The following DNAAF8 variants were observed in gnomAD, a reference collection of about 807,000 sequenced individuals.
DNAAF8 encodes dynein axonemal assembly factor 8.
Under a neutral mutation model 54.6 loss-of-function variants are expected in DNAAF8, and 61 were observed. The observed-to-expected ratio is 1.12, with a 90% confidence interval of 0.91 to 1.38. The LOEUF (loss-of-function observed/expected upper bound fraction) is 1.38, where lower values mean the gene tolerates loss of function less well. Among genes scored for constraint, DNAAF8 ranks in the 40% most tolerant of loss-of-function variants. The pLI, the probability that DNAAF8 is intolerant of heterozygous loss-of-function variation, is 0.00. For missense variants in DNAAF8, 837 were observed against 665.0 expected (o/e 1.26, Z -2.85); for synonymous variants, 320 against 270.1 (o/e 1.18, Z -1.81).
At chr16:4,738,234 C>T (rs192798878) in intron 3 of DNAAF8, among the ~76,000 whole-genome samples, 2 of 152,156 alleles carry the variant, frequency 1.3e-5, no homozygotes, top group African/African-American at 4.8e-5. Flanking sequence ...CCATGGCATC[C>T]TGAATAGCTT....
intron 3 of DNAAF8, among the ~76,000 whole-genome samples, chr16:4,739,391 G>A (rs545839502): frequency 1.3e-5 from 2 of 148,438 alleles, no homozygotes; most frequent in Non-Finnish European, 3.0e-5. Flanking sequence ...CTCTAGCTTG[G>A]GGTATGAATT....
In DNAAF8 at chr16:4,736,527, G is replaced by C; in HGVS notation, c.13G>C (p.Asp5His). Residue 5 changes from aspartate (D) to histidine (H), a missense_variant, in exon 2 of 10, where the codon GAT (aspartate) becomes CAT (histidine). Physicochemically the swap from Asp to His is moderately conservative, Grantham distance 81. Transcript: ENST00000299320. ...AGCCTGGGCCCTCATGGCATCCAAC[G>C]ATAAAGGCATGGCACCCTCGCTGGG... MASNDKGMAPSLGSP... is the reference protein window; with the variant it reads MASNHKGMAPSLGSP... 1 of 1,555,668 alleles carries C rather than the reference G, an allele frequency of 6.4e-7. No homozygotes were observed. The highest frequency in any genetic ancestry group is 8.7e-7 in the Non-Finnish European group (1 of 1,143,154).
At chr16:4,741,261 GAAAC>G (rs151337368) in intron 4 of DNAAF8, among the ~76,000 whole-genome samples, 77,566 of 143,368 alleles carry the variant, frequency 0.54, 21,486 homozygotes, top group East Asian at 0.67. Context: ...AAGAAAGAAA[GAAAC>G]AAAGAAAGAA....
Position 4,744,022 on chromosome 16 carries a change from C to T in DNAAF8, c.902-848C>T, listed in dbSNP as rs939382391. Among the ~76,000 whole-genome samples the T allele has an allele frequency of 6.6e-5, 10 of 150,538 alleles. No homozygotes were observed. In the East Asian group the frequency reaches 9.8e-4, roughly 15 times the overall value. On this transcript the variant is annotated intron_variant, in intron 5 of 9. Transcript: ENST00000299320. ...TCGGTTCACTGCAACCTCCACCTCC[C>T]GGGTTCAAGCGATTCTCCTGCCTCA...
Position 4,737,882 on chromosome 16 carries a change from A to G in DNAAF8, c.212A>G (p.Glu71Gly). The change falls in exon 3 of 10, where the codon GAA becomes GGA. Residue 71 changes from glutamate (E) to glycine (G), a missense_variant. By Grantham distance (98) the Glu-to-Gly change is moderately conservative (BLOSUM62 -2). Coordinates refer to ENST00000299320, the MANE Select transcript of DNAAF8 (RefSeq NM_139170.3). ...LIPDLSEELA[E>G]DPADGDKSRA... ...CCAGACCTGTCGGAGGAGCTGGCTG[A>G]AGATCCTGCCGATGGCGACAAGTCC... is the stretch of plus-strand genomic sequence containing the variant. The G allele has an allele frequency of 6.2e-7, 1 of 1,614,172 alleles. No homozygotes were observed. The highest frequency in any genetic ancestry group is 8.5e-7 in the Non-Finnish European group (1 of 1,180,006).
Position 4,748,921 on chromosome 16 carries a change from G to C in DNAAF8, c.*206G>C, listed in dbSNP as rs2082051803. 1 of 152,282 alleles carries C rather than the reference G, an allele frequency of 6.6e-6. No homozygotes were observed. The allele number at this position is 152,282 out of a possible 1,614,324, so 9.4% of individuals were successfully genotyped here. On this transcript the variant is annotated 3_prime_UTR_variant, in exon 10 of 10. Coordinates refer to ENST00000299320, the MANE Select transcript of DNAAF8 (RefSeq NM_139170.3). ...CTCTTCTCATCAAGCCTTGTACCAGGCAAAAGACAGGCCCTGCTTGGCCGT... is the reference window on the plus strand; with the variant it reads ...CTCTTCTCATCAAGCCTTGTACCAGCCAAAAGACAGGCCCTGCTTGGCCGT...
At chr16:4,743,218 C>T (rs964931969) in intron 5 of DNAAF8, 58 bp downstream of exon 5, 1 of 1,284,348 alleles carries the variant, frequency 7.8e-7, no homozygotes, top group African/African-American at 1.5e-5. Context: ...CTTCCTGGGC[C>T]CCTCAGACAC....
chr16:4,740,700 A>AC (rs1157819710), intron 4 of DNAAF8, 41 bp downstream of exon 4: 1 of 1,527,110 alleles, frequency 6.5e-7, no homozygotes, highest in Admixed American at 2.0e-5. Context: ...CAGGCCTGTT[A>AC]CCTGTGGCAT....
At chr16:4,745,952 CAAAAAA>C (rs58259917) in intron 6 of DNAAF8, among the ~76,000 whole-genome samples, 18 of 113,512 alleles carry the variant, frequency 1.6e-4, no homozygotes, top group African/African-American at 5.5e-4. Context: ...GACTCTGTCT[CAAAAAA>C]AAAAAAAAAA....
intron 5 of DNAAF8, among the ~76,000 whole-genome samples, chr16:4,744,020 C>T (rs975221524): frequency 6.7e-6 from 1 of 150,370 alleles, no homozygotes; most frequent in Non-Finnish European, 1.5e-5. Context: ...ACCTCCACCT[C>T]CCGGGTTCAA....
At chr16:4,747,126 C>T (rs2082027677) in intron 8 of DNAAF8, 101 bp downstream of exon 8, 2 of 1,261,810 alleles carry the variant, frequency 1.6e-6, no homozygotes, top group Non-Finnish European at 2.2e-6. Context: ...TGAGGTCTTG[C>T]TGCACCCACC....
intron 6 of DNAAF8, 56 bp downstream of exon 6, chr16:4,745,067 T>C: frequency 6.3e-7 from 1 of 1,576,442 alleles, no homozygotes; most frequent in Non-Finnish European, 8.7e-7. Context: ...CCCCATGGTT[T>C]TGTAGCACTG....
chr16:4,748,591 GACAAGCCTGGTC>G (rs1011865311), intron 9 of DNAAF8, 122 bp from the exon 10 acceptor site: 1 of 152,288 alleles, frequency 6.6e-6, no homozygotes, highest in African/African-American at 2.4e-5. Flanking sequence ...CCCTCCACAG[GACAAGCCTGGTC>G]TTCCTGGGTC....
rs2081916018 is a variant in DNAAF8 at position 4,737,885 on chromosome 16, A to G, written c.215A>G (p.Asp72Gly). The G allele has an allele frequency of 6.2e-7, 1 of 1,614,168 alleles. No homozygotes were observed. The highest frequency in any genetic ancestry group is 2.2e-5 in the East Asian group (1 of 44,880). The stretch of plus-strand genomic sequence containing the variant: ...GACCTGTCGGAGGAGCTGGCTGAAG[A>G]TCCTGCCGATGGCGACAAGTCCAGG... Reference protein sequence around the residue: ...IPDLSEELAEDPADGDKSRAW... With the variant: ...IPDLSEELAEGPADGDKSRAW... Residue 72 changes from aspartate to glycine, a missense_variant, in exon 3 of 10, where the codon GAT becomes GGT. Physicochemically the swap from Asp to Gly is moderately conservative, Grantham distance 94 (BLOSUM62 -1). Coordinates refer to ENST00000299320, the MANE Select transcript of DNAAF8 (RefSeq NM_139170.3).
At chr16:4,740,690 CA>C (rs1267176992) in intron 4 of DNAAF8, 31 bp downstream of exon 4, 1 of 1,547,952 alleles carries the variant, frequency 6.5e-7, no homozygotes, top group East Asian at 2.2e-5. Context: ...GGCTGTTTCT[CA>C]GGCCTGTTAC....
In DNAAF8 at chr16:4,738,128, T is replaced by C. The variant is rs574810086; in HGVS notation, c.276+182T>C. 1.3e-5 allele frequency: 10 copies of C among 762,328 alleles called. No homozygotes were observed. The East Asian group carries it at 2.5e-4, about 19-fold the overall frequency. 47.2% of individuals were successfully genotyped at this position (762,328 alleles called of 1,614,324 possible). A position where few individuals can be genotyped will look rare whatever the true frequency, so the allele number is the denominator to read the frequency against. On this transcript the variant is annotated intron_variant, in intron 3 of 9. Transcript: ENST00000299320. ...CTAACCTCCACGCACCTCCCTCTCC[T>C]GGGGAGCCCGGCACCTTAGGGCTGG...
In DNAAF8 at chr16:4,747,365, C is replaced by T; in HGVS notation, c.1303C>T (p.Leu435Phe). 6.3e-7 allele frequency: 1 copy of T among 1,589,744 alleles called. No homozygotes were observed. The highest frequency in any genetic ancestry group is 8.6e-7 in the Non-Finnish European group (1 of 1,165,828). Residue 435 changes from leucine to phenylalanine, a missense_variant, in exon 9 of 10, where the codon CTT (leucine) becomes TTT (phenylalanine). By Grantham distance (22) the Leu-to-Phe change is conservative. Coordinates refer to ENST00000299320, the MANE Select transcript of DNAAF8 (RefSeq NM_139170.3). Reference sequence around the variant, plus strand: ...CAGGACCTGTACCGGGAAAAGCCAGCTTCTCCAGCAGCTCAGGGCCTTTCA... The same window carrying T: ...CAGGACCTGTACCGGGAAAAGCCAGTTTCTCCAGCAGCTCAGGGCCTTTCA... Reference protein sequence around the residue: ...GLRTCTGKSQLLQQLRAFQKG... With the variant: ...GLRTCTGKSQFLQQLRAFQKG...
chr16:4,745,075 C>A, intron 6 of DNAAF8, 64 bp downstream of exon 6: 7 of 1,556,022 alleles, frequency 4.5e-6, no homozygotes, highest in Non-Finnish European at 5.3e-6. Context: ...TTTTGTAGCA[C>A]TGACTGGGCC....
At chr16:4,736,766 C>T in intron 2 of DNAAF8, 123 bp downstream of exon 2, 1 of 1,121,386 alleles carries the variant, frequency 8.9e-7, no homozygotes, top group Non-Finnish European at 1.2e-6. Flanking sequence ...AGTTTGTTGT[C>T]ATTTTACTTT....
Sources: gnomAD v4.1 joint callset for allele counts (sites outside exome capture counted in the v4.1 genomes callset) on GRCh38, gnomAD v4.1.1 for gene constraint, MANE v1.5 for transcripts, NCBI Gene and HGNC (gene_info 2026-07-23, HGNC 2026-07-21) for gene names.